The following SMAD9 variants were observed in gnomAD, a reference collection of about 807,000 sequenced individuals.
SMAD9 encodes the protein MAD homolog 9.
A neutral mutation model predicts 46.1 loss-of-function variants in SMAD9; 36 were observed. The observed-to-expected ratio is 0.78, with a 90% CI of 0.60 to 1.03. The LOEUF is 1.03. SMAD9 is among the 50% of genes least tolerant of loss of function. The probability of loss-of-function intolerance (pLI) is 0.00; values close to 1 mark genes in which losing one functional copy is unlikely to be tolerated. For synonymous variants in SMAD9, 245 were observed against 237.1 expected, an observed-to-expected ratio of 1.03 and a Z score of -0.31; for missense variants, 572 against 599.8, an observed-to-expected ratio of 0.95 and a Z score of 0.48.
At position 36,919,373 on chromosome 13, in the gene SMAD9, G is replaced by C. The variant is rs979461250; in HGVS notation, c.-187+743C>G. Among the ~76,000 whole-genome samples, 71 of 152,178 alleles carry C rather than the reference G, an allele frequency of 4.7e-4. 1 individual carries two copies. The highest frequency in any genetic ancestry group is 3.8e-3 in the Admixed American group (58 of 15,300). The stretch of plus-strand genomic sequence containing the variant: ...CTCCCCTCTGCGGAGAGCTGGCACC[G>C]AGGGGCGGGCCAAGGAAAAGACAAA... On this transcript the variant is annotated intron_variant, in intron 1 of 6. Coordinates refer to ENST00000379826, the MANE Select transcript of SMAD9 (RefSeq NM_001127217.3).
At chr13:36,876,839 T>C (rs999647185) in intron 2 of SMAD9, among the ~76,000 whole-genome samples, 1 of 152,126 alleles carries the variant, frequency 6.6e-6, no homozygotes, top group African/African-American at 2.4e-5. Flanking sequence ...TTTTTATTAT[T>C]CCTAAAATAT....
chr13:36,896,754 A>C (rs1431942777), intron 1 of SMAD9, among the ~76,000 whole-genome samples: 1 of 63,110 alleles, frequency 1.6e-5, no homozygotes, highest in East Asian at 5.0e-4. Context: ...ATCACTACCA[A>C]CATTTTTGTG....
chr13:36,906,560 C>A (rs570835787), intron 1 of SMAD9, among the ~76,000 whole-genome samples: 1 of 151,986 alleles, frequency 6.6e-6, no homozygotes, highest in Non-Finnish European at 1.5e-5. Context: ...CAACAAAAAA[C>A]AAACCACCCA....
chr13:36,869,810 CAA>C (rs2058272843), intron 3 of SMAD9, among the ~76,000 whole-genome samples: 1 of 145,344 alleles, frequency 6.9e-6, no homozygotes, highest in Non-Finnish European at 1.5e-5. Context: ...GCCTGGGCAA[CAA>C]GAGCAAAACT....
In SMAD9 at chr13:36,879,784, C is replaced by T; in HGVS notation, c.-95G>A. ...AGCTCTCCAGGGGTGGCATAGGGAC[C>T]AACCCGCCCGTTCTTCTGGGAGCAG... is the stretch of plus-strand genomic sequence containing the variant. On this transcript the variant is annotated 5_prime_UTR_variant, in exon 2 of 7. Transcript: ENST00000379826. 7.3e-7 allele frequency: 1 copy of T among 1,377,426 alleles called. No homozygotes were observed. Among genetic ancestry groups the T allele is most frequent in the Non-Finnish European group, 1.0e-6 (1 of 981,568 alleles). The allele number at this position is 1,377,426 out of a possible 1,614,324, so 85.3% of individuals were successfully genotyped here. A position where few individuals can be genotyped will look rare whatever the true frequency, so the allele number is the denominator to read the frequency against.
intron 5 of SMAD9, among the ~76,000 whole-genome samples, chr13:36,860,585 G>C (rs187882207): frequency 0.011 from 1,633 of 151,916 alleles, 20 homozygotes; most frequent in Non-Finnish European, 0.017. Context: ...GAGTAGCTGG[G>C]ACTACAGGTG....
intron 3 of SMAD9, among the ~76,000 whole-genome samples, chr13:36,871,159 TCA>T (rs2058289585): frequency 1.3e-5 from 2 of 152,204 alleles, no homozygotes; most frequent in African/African-American, 4.8e-5. Flanking sequence ...TAGCAGGTGC[TCA>T]GTCATCACTT....
chr13:36,899,526 T>C (rs1040696756), intron 1 of SMAD9, among the ~76,000 whole-genome samples: 4 of 152,318 alleles, frequency 2.6e-5, no homozygotes, highest in Middle Eastern at 3.4e-3. Context: ...GAGCATGCCA[T>C]TCATGAAAAT....
At chr13:36,897,341 G>C (rs2058537167) in intron 1 of SMAD9, among the ~76,000 whole-genome samples, 2 of 152,146 alleles carry the variant, frequency 1.3e-5, no homozygotes, top group Admixed American at 1.3e-4. Context: ...GCATTAGTTT[G>C]AATTTTTAAA....
At chr13:36,909,993 C>A (rs1395907006) in intron 1 of SMAD9, among the ~76,000 whole-genome samples, 1 of 151,950 alleles carries the variant, frequency 6.6e-6, no homozygotes, top group Non-Finnish European at 1.5e-5. Flanking sequence ...GTCAGGAGAT[C>A]GAGACCATCC....
intron 4 of SMAD9, 81 bp downstream of exon 4, chr13:36,867,192 C>T: frequency 1.0e-6 from 1 of 966,180 alleles, no homozygotes; most frequent in Non-Finnish European, 1.6e-6. Flanking sequence ...TTCTGGTTTT[C>T]TTTTTTGAGT....
chr13:36,865,327 A>G (rs75612235), intron 5 of SMAD9, among the ~76,000 whole-genome samples: 1 of 152,182 alleles, frequency 6.6e-6, no homozygotes, highest in East Asian at 1.9e-4. Flanking sequence ...AGAAAGTGGC[A>G]TGATGACATT....
intron 1 of SMAD9, among the ~76,000 whole-genome samples, chr13:36,917,418 G>C (rs1287089640): frequency 6.8e-6 from 1 of 147,418 alleles, no homozygotes; most frequent in African/African-American, 2.5e-5. Context: ...TTTTGCTTTA[G>C]AATAACTTTT....
intron 1 of SMAD9, among the ~76,000 whole-genome samples, chr13:36,898,817 TA>T (rs1316729764): frequency 6.6e-6 from 1 of 152,196 alleles, no homozygotes; most frequent in East Asian, 1.9e-4. Flanking sequence ...ACATAATAAT[TA>T]GTGGTGAAAT....
intron 5 of SMAD9, among the ~76,000 whole-genome samples, chr13:36,857,208 C>T (rs1313384617): frequency 1.7e-5 from 2 of 120,064 alleles, no homozygotes; most frequent in Non-Finnish European, 1.6e-5. Context: ...AGAGACATCA[C>T]ACCTGTTAGT....
chr13:36,911,601 G>A (rs190982272), intron 1 of SMAD9, among the ~76,000 whole-genome samples: 64 of 113,326 alleles, frequency 5.6e-4, no homozygotes, highest in African/African-American at 2.0e-3. Flanking sequence ...GCTGTTTCCC[G>A]GCCAAAGGCT....
intron 4 of SMAD9, among the ~76,000 whole-genome samples, chr13:36,866,921 T>C (rs2058240434): frequency 6.6e-6 from 1 of 152,210 alleles, no homozygotes; most frequent in African/African-American, 2.4e-5. Flanking sequence ...AGTACCTCTC[T>C]GGCCAACTGA....
intron 1 of SMAD9, among the ~76,000 whole-genome samples, chr13:36,913,042 AC>A (rs1488846993): frequency 6.6e-6 from 1 of 152,150 alleles, no homozygotes; most frequent in African/African-American, 2.4e-5. Flanking sequence ...TATAATACCT[AC>A]TATACTGTAA....
intron 1 of SMAD9, among the ~76,000 whole-genome samples, chr13:36,880,363 T>C (rs76146219): frequency 0.021 from 3,141 of 152,338 alleles, 44 homozygotes; most frequent in Non-Finnish European, 0.034. Flanking sequence ...TGTAAACTCC[T>C]CTGCCTGGGT....
Sources: allele counts gnomAD v4.1 joint callset (sites outside exome capture counted in the v4.1 genomes callset), GRCh38; gene constraint gnomAD v4.1.1; transcripts MANE v1.5; gene names NCBI Gene and HGNC (gene_info 2026-07-23, HGNC 2026-07-21).